NELL2: variants seen among roughly 807,000 people sequenced by gnomAD.
NELL2 encodes the protein neural EGFL like 2, also known as protein kinase C-binding protein NELL2.
NELL2 carries 41 observed loss-of-function variants against 109.6 expected under a neutral mutation model. The ratio of observed to expected loss-of-function variants is 0.37; its 90% CI spans 0.29 to 0.49. The LOEUF (loss-of-function observed/expected upper bound fraction) is 0.49. NELL2 is among the 20% of genes least tolerant of loss of function. The pLI is 0.98. For synonymous variants in NELL2, 355 were observed against 344.7 expected, an observed-to-expected ratio of 1.03 and a Z score of -0.33; for missense variants, 900 against 1,008.3, an observed-to-expected ratio of 0.89 and a Z score of 1.45.
At chr12:44,532,377 G>A (rs1942106008) in intron 16 of NELL2, 1 of 398,980 alleles carries the variant, frequency 2.5e-6, no homozygotes, top group Non-Finnish European at 4.2e-6. Context: ...CTGGGTTAGT[G>A]TCACAAACTT....
chr12:44,607,344 C>T (rs1945447028), intron 14 of NELL2, 80 bp from the exon 15 acceptor site: 2 of 1,055,626 alleles, frequency 1.9e-6, no homozygotes, highest in South Asian at 1.7e-5. Flanking sequence ...TTTCATTATC[C>T]CCTTGGAGAT....
At chr12:44,587,472 T>C (rs771073114) in intron 15 of NELL2, among the ~76,000 whole-genome samples, 49 of 151,728 alleles carry the variant, frequency 3.2e-4, no homozygotes, top group Admixed American at 2.6e-4. Flanking sequence ...ACATATTATT[T>C]CATATGTATT....
At chr12:44,814,560 A>G (rs1267989534) in intron 3 of NELL2, among the ~76,000 whole-genome samples, 1 of 152,060 alleles carries the variant, frequency 6.6e-6, no homozygotes, top group Non-Finnish European at 1.5e-5. Context: ...ACCCTTGAAG[A>G]TGGGATTGCT....
intron 15 of NELL2, among the ~76,000 whole-genome samples, chr12:44,545,880 T>C (rs988414281): frequency 6.6e-6 from 1 of 152,132 alleles, no homozygotes; most frequent in African/African-American, 2.4e-5. Context: ...AGAGCCATTT[T>C]CTAATAGCAA....
chr12:44,754,147 A>G (rs1940776672), intron 9 of NELL2, among the ~76,000 whole-genome samples: 1 of 152,194 alleles, frequency 6.6e-6, no homozygotes, highest in Non-Finnish European at 1.5e-5. Flanking sequence ...AGAATTAATA[A>G]AGGAAGAACG....
chr12:44,589,547 A>AT (rs1430533934), intron 15 of NELL2, among the ~76,000 whole-genome samples: 1 of 151,948 alleles, frequency 6.6e-6, no homozygotes, highest in African/African-American at 2.4e-5. Flanking sequence ...CCTCCAGCTA[A>AT]TTTTTGTATT....
intron 19 of NELL2, among the ~76,000 whole-genome samples, chr12:44,512,616 A>G (rs1941049252): frequency 6.6e-6 from 1 of 152,134 alleles, no homozygotes; most frequent in African/African-American, 2.4e-5. Context: ...TGTGGCATAT[A>G]TCCACAATGG....
intron 1 of NELL2, among the ~76,000 whole-genome samples, chr12:44,908,901 C>G (rs1945749326): frequency 6.6e-6 from 1 of 151,896 alleles, no homozygotes; most frequent in Non-Finnish European, 1.5e-5. Flanking sequence ...CATCCTTTCT[C>G]TGAAAGAAGA....
intron 9 of NELL2, among the ~76,000 whole-genome samples, chr12:44,720,434 T>A (rs1361243077): frequency 1.3e-5 from 2 of 152,178 alleles, no homozygotes; most frequent in Non-Finnish European, 2.9e-5. Flanking sequence ...TTCTATAGCC[T>A]GTGTCTTACA....
At chr12:44,637,552 G>A (rs1414849015) in intron 13 of NELL2, among the ~76,000 whole-genome samples, 2 of 141,804 alleles carry the variant, frequency 1.4e-5, no homozygotes, top group Non-Finnish European at 3.0e-5. Context: ...GGTGGTCCCA[G>A]ATAACCTTAT....
At chr12:44,860,478 G>A (rs761968171) in intron 2 of NELL2, among the ~76,000 whole-genome samples, 1 of 151,802 alleles carries the variant, frequency 6.6e-6, no homozygotes, top group Non-Finnish European at 1.5e-5. Flanking sequence ...TGTCAGTAGG[G>A]CTATGTTCCT....
intron 1 of NELL2, 161 bp downstream of exon 1, chr12:44,875,654 C>CAA (rs1566579221): frequency 6.4e-7 from 1 of 1,568,388 alleles, no homozygotes. Context: ...AAGGCAAGCA[C>CAA]AGAAAAAAAA....
In NELL2 at chr12:44,796,383, T is replaced by C. The variant is rs150444437; in HGVS notation, c.336-16361A>G. Among the ~76,000 whole-genome samples the C allele has an allele frequency of 2.6e-4, 39 of 152,276 alleles. No individual in the cohort carries two copies. The East Asian group carries it at 6.9e-3, about 27-fold the overall frequency. On this transcript the variant is annotated intron_variant, in intron 3 of 19. Transcript: ENST00000429094. ...TGATATTCCTGTCAACATGATTATCTAGTTTGAATATATCCAGTGACCAAC... is the reference window on the plus strand; with the variant it reads ...TGATATTCCTGTCAACATGATTATCCAGTTTGAATATATCCAGTGACCAAC...
chr12:44,513,842 T>C (rs948170468), intron 19 of NELL2, among the ~76,000 whole-genome samples: 5 of 151,518 alleles, frequency 3.3e-5, no homozygotes, highest in Non-Finnish European at 7.4e-5. Flanking sequence ...GAAAAAAATG[T>C]GGCAGACAAA....
intron 3 of NELL2, among the ~76,000 whole-genome samples, chr12:44,793,755 C>T (rs1470963341): frequency 1.3e-5 from 2 of 152,028 alleles, no homozygotes; most frequent in Admixed American, 1.3e-4. Flanking sequence ...ATGGTTAGTA[C>T]TCAATAACAT....
chr12:44,778,372 T>C (rs1941830232), intron 5 of NELL2, among the ~76,000 whole-genome samples: 1 of 152,150 alleles, frequency 6.6e-6, no homozygotes, highest in Non-Finnish European at 1.5e-5. Context: ...ATTGATGAAA[T>C]AAATTGTGTA....
intron 17 of NELL2, 83 bp downstream of exon 17, chr12:44,523,208 A>T: frequency 7.3e-7 from 1 of 1,363,350 alleles, no homozygotes; most frequent in South Asian, 1.2e-5. Flanking sequence ...ACATTGTCAA[A>T]ACTCATCAAG....
At chr12:44,621,655 T>A (rs1299994201) in intron 13 of NELL2, among the ~76,000 whole-genome samples, 1 of 152,118 alleles carries the variant, frequency 6.6e-6, no homozygotes, top group Non-Finnish European at 1.5e-5. Flanking sequence ...TTGAAGTACC[T>A]ACATCCTTCA....
intron 1 of NELL2, among the ~76,000 whole-genome samples, chr12:44,911,256 T>C (rs1042403693): frequency 2.0e-5 from 3 of 152,072 alleles, no homozygotes; most frequent in African/African-American, 4.8e-5. Context: ...ATTTTAACTA[T>C]TGTAAGTCAA....
Sources: gnomAD v4.1 joint callset for allele counts (sites outside exome capture counted in the v4.1 genomes callset) on GRCh38, gnomAD v4.1.1 for gene constraint, MANE v1.5 for transcripts, NCBI Gene and HGNC (gene_info 2026-07-23, HGNC 2026-07-21) for gene names.